RIPOR2: variants seen among roughly 807,000 people sequenced by gnomAD.
RIPOR2 encodes RHO family interacting cell polarization regulator 2.
In RIPOR2, 39 loss-of-function variants were observed where a neutral mutation model predicts 114.5. The ratio of observed to expected loss-of-function variants is 0.34; its 90% CI spans 0.26 to 0.44. RIPOR2 has a LOEUF of 0.44. RIPOR2 is among the 20% of genes least tolerant of loss of function. The probability of loss-of-function intolerance (pLI) is 1.00; values close to 1 mark genes in which losing one functional copy is unlikely to be tolerated. For synonymous variants in RIPOR2, 445 were observed against 484.4 expected (o/e 0.92, Z 1.07); for missense variants, 1,007 against 1,255.1 (o/e 0.80, Z 2.99).
At chr6:25,005,598 C>A (rs889289877) in intron 1 of RIPOR2, among the ~76,000 whole-genome samples, 1 of 150,246 alleles carries the variant, frequency 6.7e-6, no homozygotes, top group East Asian at 2.0e-4. Context: ...TAGTCTCTCA[C>A]AAGTGGGAAT....
rs75738496 is a variant in RIPOR2 at position 24,961,116 on chromosome 6, T to A, written c.76+80735A>T. On this transcript the variant is annotated intron_variant, in intron 1 of 13. Coordinates refer to the RIPOR2 transcript ENST00000510784. ...GGCAAACACCACCATCCTCAGTAAA[T>A]TTACAGTCTTGTTGGCAAAACAAGC... is the stretch of plus-strand genomic sequence containing the variant. Among the ~76,000 whole-genome samples the A allele has an allele frequency of 7.4e-3, 1,129 of 152,172 alleles. 12 individuals are homozygous for A. Among genetic ancestry groups the A allele is most frequent in the African/African-American group, 0.024 (983 of 41,494 alleles).
intron 1 of RIPOR2, among the ~76,000 whole-genome samples, chr6:24,930,020 A>G (rs1412613003): frequency 6.6e-6 from 1 of 152,230 alleles, no homozygotes; most frequent in Non-Finnish European, 1.5e-5. Context: ...GGCTGCAGTG[A>G]GCTGCAATCA....
chr6:25,001,692 C>CCTTT (rs1203107039), intron 1 of RIPOR2, among the ~76,000 whole-genome samples: 1 of 138,978 alleles, frequency 7.2e-6, no homozygotes, highest in East Asian at 2.2e-4. Flanking sequence ...CTTTCTTTTT[C>CCTTT]CTTTCTTTCT....
chr6:24,972,467 C>T (rs1454468225), intron 1 of RIPOR2, among the ~76,000 whole-genome samples: 1 of 152,184 alleles, frequency 6.6e-6, no homozygotes, highest in Non-Finnish European at 1.5e-5. Context: ...CGGACAGAAA[C>T]CATTACGTTA....
At chr6:25,011,595 G>T (rs942447986) in intron 1 of RIPOR2, among the ~76,000 whole-genome samples, 1 of 152,196 alleles carries the variant, frequency 6.6e-6, no homozygotes, top group African/African-American at 2.4e-5. Context: ...AAAGTTTATT[G>T]TTTCTTGGGA....
intron 1 of RIPOR2, among the ~76,000 whole-genome samples, chr6:25,005,738 T>TATATATACATACAC (rs34572978): frequency 7.1e-5 from 5 of 70,700 alleles, no homozygotes; most frequent in Admixed American, 1.6e-4. Flanking sequence ...TATATATATA[T>TATATATACATACAC]ATACATTTAC....
Position 24,922,345 on chromosome 6 carries a change from C to T in RIPOR2, c.61+13493G>A, listed in dbSNP as rs377050521. Reference sequence around the variant, plus strand: ...GAATCCCATACGTAACTCTCACATACGCTGTTATAAAGGAAACAGTCTTTC... The same window carrying T: ...GAATCCCATACGTAACTCTCACATATGCTGTTATAAAGGAAACAGTCTTTC... On this transcript the variant is annotated intron_variant, in intron 1 of 21. Transcript: ENST00000643898. Among the ~76,000 whole-genome samples, 25 of 152,284 alleles carry T rather than the reference C, an allele frequency of 1.6e-4. No individual in the cohort carries two copies. In the South Asian group the frequency reaches 4.4e-3, roughly 27 times the overall value.
intron 1 of RIPOR2, among the ~76,000 whole-genome samples, chr6:25,005,417 A>T (rs1454025816): frequency 1.3e-5 from 2 of 152,112 alleles, no homozygotes; most frequent in East Asian, 3.8e-4. Context: ...CCTGCAGAGC[A>T]TCTATACAAC....
At chr6:25,026,419 T>C (rs1490263858) in intron 1 of RIPOR2, among the ~76,000 whole-genome samples, 1 of 152,074 alleles carries the variant, frequency 6.6e-6, no homozygotes, top group South Asian at 2.1e-4. Context: ...AAATGAAAAA[T>C]AAAGGACTGC....
At chr6:24,818,776 T>G (rs141840998) in intron 19 of RIPOR2, among the ~76,000 whole-genome samples, 151 bp from the exon 20 acceptor site, 97 of 152,184 alleles carry the variant, frequency 6.4e-4, no homozygotes, top group African/African-American at 2.1e-3. Flanking sequence ...CCATTGAAAT[T>G]CATATTAATT....
intron 1 of RIPOR2, among the ~76,000 whole-genome samples, chr6:25,036,995 G>A (rs1211083566): frequency 6.6e-6 from 1 of 152,144 alleles, no homozygotes; most frequent in African/African-American, 2.4e-5. Flanking sequence ...ATGTGGAGGT[G>A]GCAATGGTAA....
chr6:24,883,964 A>T lies in RIPOR2; in HGVS notation c.62-8147T>A, dbSNP rs973261843. Among the ~76,000 whole-genome samples the T allele has an allele frequency of 1.3e-5, 2 of 152,256 alleles. No homozygotes were observed. The highest frequency in any genetic ancestry group is 1.3e-4 in the Admixed American group (2 of 15,290). ...GTGGGCCAGATGTAAATAGCCTGCT[A>T]TGCAAAATAATTATTTAAGATGAAA... On this transcript the variant is annotated intron_variant, in intron 1 of 21. Transcript: ENST00000643898. This position sits in a 1 kb window ranked among gnomAD's most constrained non-coding sequence, Gnocchi z 4.1.
At chr6:24,953,284 T>G (rs385891) in intron 1 of RIPOR2, among the ~76,000 whole-genome samples, 120,794 of 152,034 alleles carry the variant, frequency 0.79, 51,602 homozygotes, top group East Asian at 0.96. Context: ...GGTGAGCCGA[T>G]ATTGTGCCAT....
chr6:24,914,170 A>G (rs1169446946), intron 1 of RIPOR2, among the ~76,000 whole-genome samples: 1 of 152,136 alleles, frequency 6.6e-6, no homozygotes, highest in Non-Finnish European at 1.5e-5. Flanking sequence ...CGCTGTCTCT[A>G]TTAAAAATGC....
intron 1 of RIPOR2, among the ~76,000 whole-genome samples, chr6:25,011,255 G>A (rs1431826170): frequency 6.6e-6 from 1 of 152,124 alleles, no homozygotes; most frequent in African/African-American, 2.4e-5. Flanking sequence ...GTCCACATAT[G>A]TATATGTACA....
intron 21 of RIPOR2, 135 bp from the exon 22 acceptor site, chr6:24,806,608 C>A (rs1031213007): frequency 2.4e-5 from 15 of 615,424 alleles, no homozygotes; most frequent in Admixed American, 1.4e-4. Flanking sequence ...GAAAAGTTAT[C>A]TTTTGTTATT....
At chr6:24,933,341 T>C (rs1334189888) in intron 1 of RIPOR2, among the ~76,000 whole-genome samples, 1 of 152,180 alleles carries the variant, frequency 6.6e-6, no homozygotes, top group Admixed American at 6.5e-5. Flanking sequence ...TATAAGTGAG[T>C]AAACTGAGGC....
intron 1 of RIPOR2, among the ~76,000 whole-genome samples, chr6:24,947,406 A>G (rs608004): frequency 0.072 from 10,968 of 152,264 alleles, 765 homozygotes; most frequent in African/African-American, 0.18. Context: ...TTTGTGTACT[A>G]GAAGGCTCAA....
At chr6:25,039,559 T>C (rs1048494035) in intron 1 of RIPOR2, among the ~76,000 whole-genome samples, 1 of 152,220 alleles carries the variant, frequency 6.6e-6, no homozygotes, top group Admixed American at 6.5e-5. Context: ...ATCAGCACAG[T>C]ATTCAGATGT....
Sources: gnomAD v4.1 joint callset for allele counts (sites outside exome capture counted in the v4.1 genomes callset) on GRCh38, gnomAD v4.1.1 for gene constraint, Gnocchi (gnomAD v3.1) non-coding constraint, MANE v1.5 for transcripts, NCBI Gene and HGNC (gene_info 2026-07-23, HGNC 2026-07-21) for gene names.